Variants in EPHB1 observed in about 807,000 individuals in gnomAD.
The protein encoded by EPHB1 is ephrin type-B receptor 1.
A neutral mutation model predicts 94.4 loss-of-function variants in EPHB1; 30 were observed. The ratio of observed to expected loss-of-function variants is 0.32; its 90% CI spans 0.24 to 0.43. The LOEUF (loss-of-function observed/expected upper bound fraction) is 0.43, where lower values mean the gene tolerates loss of function less well. Among genes scored for constraint, EPHB1 ranks in the 20% least tolerant of loss-of-function variants. The pLI is 1.00. For synonymous variants in EPHB1, 522 were observed against 489.1 expected (o/e 1.07, Z -0.89); for missense variants, 1,055 against 1,308.3 (o/e 0.81, Z 2.99).
At chr3:135,120,100 G>A (rs2140767) in intron 4 of EPHB1, among the ~76,000 whole-genome samples, 152,218 of 152,362 alleles carry the variant, frequency 1, 76,037 homozygotes, top group Non-Finnish European at 1. Flanking sequence ...ATTCTTAAAC[G>A]TTGTTTTCTT....
chr3:135,076,260 T>TATATATATATATATATATATATATA (rs1424213544), intron 3 of EPHB1, among the ~76,000 whole-genome samples: 7 of 104,346 alleles, frequency 6.7e-5, no homozygotes, highest in African/African-American at 2.2e-4. Context: ...TATATATATA[T>TATATATATATATATATATATATATA]AACTCTTAAA....
intron 1 of EPHB1, among the ~76,000 whole-genome samples, chr3:134,804,119 T>G (rs2035989807): frequency 8.0e-6 from 1 of 124,728 alleles, no homozygotes; most frequent in Non-Finnish European, 1.6e-5. Context: ...TGCATGTCTG[T>G]ATTAGTCCAT....
At chr3:134,929,320 A>G (rs39701) in intron 2 of EPHB1, among the ~76,000 whole-genome samples, 89,425 of 152,052 alleles carry the variant, frequency 0.59, 28,538 homozygotes, top group African/African-American at 0.85. Flanking sequence ...TGTGGAGTCC[A>G]GGTAGCAGGT....
At chr3:135,236,493 T>C (rs1943655372) in intron 12 of EPHB1, among the ~76,000 whole-genome samples, 1 of 152,210 alleles carries the variant, frequency 6.6e-6, no homozygotes, top group South Asian at 2.1e-4. Flanking sequence ...ATACACAACA[T>C]TCAATAATTT....
At chr3:134,895,898 T>A (rs1005624551) in intron 1 of EPHB1, among the ~76,000 whole-genome samples, 26 of 152,182 alleles carry the variant, frequency 1.7e-4, no homozygotes, top group Admixed American at 1.7e-3. Flanking sequence ...ACTTTTCCCT[T>A]TAGTTACAGC....
At chr3:135,147,132 C>T (rs542958147) in intron 5 of EPHB1, among the ~76,000 whole-genome samples, 14 of 152,308 alleles carry the variant, frequency 9.2e-5, no homozygotes, top group African/African-American at 3.4e-4. Context: ...GCCCTGACAA[C>T]AGCCCTTCTT....
At chr3:135,123,696 T>C (rs1436539724) in intron 4 of EPHB1, among the ~76,000 whole-genome samples, 1 of 151,974 alleles carries the variant, frequency 6.6e-6, no homozygotes, top group African/African-American at 2.4e-5. Flanking sequence ...TGTTTTCTTA[T>C]TGTTAAGTTG....
intron 1 of EPHB1, among the ~76,000 whole-genome samples, chr3:134,896,593 G>A (rs147751994): frequency 6.6e-6 from 1 of 152,322 alleles, no homozygotes; most frequent in Admixed American, 6.5e-5. Context: ...CCAAGGGCCT[G>A]CTCCTTCATC....
chr3:135,072,078 A>C (rs1217397857), intron 3 of EPHB1, among the ~76,000 whole-genome samples: 1 of 152,156 alleles, frequency 6.6e-6, no homozygotes, highest in Non-Finnish European at 1.5e-5. Context: ...GAATGGCTTA[A>C]AAAATGCAAG....
intron 1 of EPHB1, among the ~76,000 whole-genome samples, chr3:134,882,749 C>CTTTCTTT (rs1491426824): frequency 1.5e-3 from 57 of 38,128 alleles, no homozygotes; most frequent in African/African-American, 2.8e-3. Flanking sequence ...CTTCTTTCTT[C>CTTTCTTT]CTTTCTTCCT....
At chr3:135,023,868 A>G (rs1239087538) in intron 3 of EPHB1, among the ~76,000 whole-genome samples, 1 of 152,064 alleles carries the variant, frequency 6.6e-6, no homozygotes, top group East Asian at 1.9e-4. Flanking sequence ...GAATTTTCTC[A>G]CCCTGTGCAT....
chr3:135,179,813 A>G (rs777291337), intron 9 of EPHB1, 47 bp from the exon 10 acceptor site: 12 of 1,610,348 alleles, frequency 7.5e-6, no homozygotes, highest in Admixed American at 1.7e-5. Flanking sequence ...CTGAATGACA[A>G]CCATGTCCTC....
At chr3:135,257,102 C>T (rs1297729930) in intron 15 of EPHB1, among the ~76,000 whole-genome samples, 1 of 149,222 alleles carries the variant, frequency 6.7e-6, no homozygotes, top group Non-Finnish European at 1.5e-5. Flanking sequence ...ATTGGTTATT[C>T]TAGTTATACA....
chr3:135,132,604 G>A (rs1366917516), intron 4 of EPHB1, 110 bp from the exon 5 acceptor site: 4 of 911,740 alleles, frequency 4.4e-6, no homozygotes, highest in Non-Finnish European at 4.9e-6. Flanking sequence ...AGGAAGGAGT[G>A]GGAGGCGAGC....
chr3:134,837,785 T>C (rs1345034593), intron 1 of EPHB1, among the ~76,000 whole-genome samples: 1 of 152,092 alleles, frequency 6.6e-6, no homozygotes, highest in Non-Finnish European at 1.5e-5. Flanking sequence ...GGCTATTTGG[T>C]GGAATTTTTA....
At chr3:135,084,627 A>G (rs1485083168) in intron 3 of EPHB1, among the ~76,000 whole-genome samples, 5 of 152,154 alleles carry the variant, frequency 3.3e-5, no homozygotes, top group Admixed American at 6.5e-5. Context: ...AGAGAAGGTG[A>G]GTCACACTCA....
intron 4 of EPHB1, among the ~76,000 whole-genome samples, chr3:135,130,320 C>T (rs2107686319): frequency 6.6e-6 from 1 of 152,224 alleles, no homozygotes; most frequent in South Asian, 2.1e-4. Flanking sequence ...GGTGACTACA[C>T]AGGTATCAAA....
At chr3:134,866,231 C>G (rs959432414) in intron 1 of EPHB1, among the ~76,000 whole-genome samples, 1 of 152,178 alleles carries the variant, frequency 6.6e-6, no homozygotes, top group Admixed American at 6.5e-5. Flanking sequence ...TTTCCTCTTT[C>G]TAGATGTATG....
intron 2 of EPHB1, among the ~76,000 whole-genome samples, chr3:134,949,323 G>A (rs1470823854): frequency 6.6e-6 from 1 of 152,124 alleles, no homozygotes; most frequent in Non-Finnish European, 1.5e-5. Context: ...AGATGCCTTG[G>A]TGGCAGAGGC....
Sources: allele counts gnomAD v4.1 joint callset (sites outside exome capture counted in the v4.1 genomes callset), GRCh38; gene constraint gnomAD v4.1.1; transcripts MANE v1.5; gene names NCBI Gene and HGNC (gene_info 2026-07-23, HGNC 2026-07-21).